The following TMEM132E variants were observed in gnomAD, a reference collection of about 807,000 sequenced individuals.
TMEM132E encodes the protein transmembrane protein 132E.
In TMEM132E, 49 loss-of-function variants were observed where a neutral mutation model predicts 78.5. The ratio of observed to expected loss-of-function variants is 0.62; its 90% CI spans 0.50 to 0.79. TMEM132E has a LOEUF of 0.79. Ranked by LOEUF, TMEM132E falls within the 30% of genes least tolerant of loss-of-function variation. The probability of loss-of-function intolerance (pLI) is 0.00; values close to 1 mark genes in which losing one functional copy is unlikely to be tolerated. For missense variants in TMEM132E, 1,403 were observed against 1,470.9 expected (o/e 0.95, Z 0.75); for synonymous variants, 715 against 670.6 (o/e 1.07, Z -1.02).
At chr17:34,592,897 C>A (rs1905923195) in intron 1 of TMEM132E, among the ~76,000 whole-genome samples, 1 of 152,154 alleles carries the variant, frequency 6.6e-6, no homozygotes, top group Non-Finnish European at 1.5e-5. Context: ...AACTGCAAGC[C>A]CTGTGATAAA....
chr17:34,607,761 T>C (rs771984286), intron 1 of TMEM132E, among the ~76,000 whole-genome samples: 1 of 152,164 alleles, frequency 6.6e-6, no homozygotes. Flanking sequence ...ATCTTTTTTT[T>C]TTTTAACTAT....
At chr17:34,584,791 G>A (rs1460259931) in intron 1 of TMEM132E, among the ~76,000 whole-genome samples, 12 of 152,210 alleles carry the variant, frequency 7.9e-5, no homozygotes, top group Admixed American at 3.3e-4. Flanking sequence ...CCTTGAGTGG[G>A]CACATACAAG....
chr17:34,603,146 G>A (rs1906293214), intron 1 of TMEM132E, among the ~76,000 whole-genome samples: 1 of 152,150 alleles, frequency 6.6e-6, no homozygotes. Flanking sequence ...AAGTGGGATG[G>A]GCAGGGGTCA....
At position 34,637,288 on chromosome 17, in the gene TMEM132E, G is replaced by T. The variant is rs1270636108; in HGVS notation, c.2281G>T (p.Ala761Ser). The T allele has an allele frequency of 1.2e-6, 2 of 1,614,156 alleles. No individual in the cohort carries two copies. The highest frequency in any genetic ancestry group is 2.2e-5 in the East Asian group (1 of 44,890). ...AGTGAGCAGCCTGGATGAGCATGTG[G>T]CCACTGTGACCCAGGACCGGGCCTT... ...LLVSSLDEHVATVTQDRAFPL... is the reference protein window; with the variant it reads ...LLVSSLDEHVSTVTQDRAFPL... Residue 761 changes from alanine (A) to serine (S), a missense_variant, in exon 9 of 9, where the codon GCC becomes TCC. Transcript: ENST00000631683.
chr17:34,613,212 C>T (rs1022170326), intron 1 of TMEM132E, among the ~76,000 whole-genome samples: 2 of 42,230 alleles, frequency 4.7e-5, no homozygotes, highest in Non-Finnish European at 6.8e-5. Flanking sequence ...CACACACACA[C>T]GCGCGCGCGC....
At position 34,629,144 on chromosome 17, in the gene TMEM132E, G is replaced by T. The variant is rs764852466; in HGVS notation, c.1278G>T (p.Arg426=). The T allele has an allele frequency of 1.2e-6, 2 of 1,613,938 alleles. No individual in the cohort carries two copies. Among genetic ancestry groups the T allele is most frequent in the African/African-American group, 2.7e-5 (2 of 74,932 alleles). ...RGHGALPDLE[R]AVTELTVIQR... is the part of the protein sequence containing the mutation. ...ACGGCGCCCTGCCTGACCTGGAGCG[G>T]GCAGTCACTGAGCTGACGGTCATTC... Residue 426 remains arginine (R), a synonymous_variant, in exon 4 of 9, where the codon CGG becomes CGT. Coordinates refer to ENST00000631683, the MANE Select transcript of TMEM132E (RefSeq NM_001304438.2).
intron 1 of TMEM132E, among the ~76,000 whole-genome samples, chr17:34,618,101 A>G (rs1906840077): frequency 6.6e-6 from 1 of 152,184 alleles, no homozygotes; most frequent in South Asian, 2.1e-4. Flanking sequence ...TGAAAACTTG[A>G]TCTACAATGG....
chr17:34,612,794 C>A (rs540282264), intron 1 of TMEM132E, among the ~76,000 whole-genome samples: 1 of 151,738 alleles, frequency 6.6e-6, no homozygotes, highest in Admixed American at 6.5e-5. Flanking sequence ...TCAGGAGGGC[C>A]GGTGGGGCCT....
intron 1 of TMEM132E, among the ~76,000 whole-genome samples, chr17:34,611,391 C>T (rs545195346): frequency 2.0e-5 from 3 of 152,258 alleles, no homozygotes; most frequent in South Asian, 2.1e-4. Context: ...GCTGTGAGAC[C>T]TTGGGTGGGC....
intron 1 of TMEM132E, among the ~76,000 whole-genome samples, chr17:34,591,493 T>A (rs1272524352): frequency 6.6e-6 from 1 of 152,212 alleles, no homozygotes; most frequent in Non-Finnish European, 1.5e-5. Context: ...TTTCTCTCCC[T>A]GGGGTCTTGC....
At chr17:34,628,471 T>TC in intron 2 of TMEM132E, 92 bp from the exon 3 acceptor site, 2 of 1,427,984 alleles carry the variant, frequency 1.4e-6, no homozygotes, top group Middle Eastern at 1.8e-4. Context: ...CTGTTCCCCC[T>TC]CCCCCCAGTA....
chr17:34,626,830 G>A lies in TMEM132E; in HGVS notation c.771G>A (p.Gly257=). 1.3e-6 allele frequency: 2 copies of A among 1,557,214 alleles called. No homozygotes were observed. The highest frequency in any genetic ancestry group is 1.7e-6 in the Non-Finnish European group (2 of 1,157,626). The part of the protein sequence containing the change: ...GSRRGAGPGV[G]ARAESPTQHP... The stretch of plus-strand genomic sequence containing the variant: ...GCCGGGGGGCCGGGCCCGGGGTGGG[G>A]GCCCGAGCGGAAAGCCCTACCCAGC... Residue 257 remains glycine (G), a synonymous_variant, in exon 2 of 9, where the codon GGG becomes GGA. Transcript: ENST00000631683.
At chr17:34,627,467 C>CATGTGTGTGTGTGTGTGTGT (rs3221613) in intron 2 of TMEM132E, among the ~76,000 whole-genome samples, 1 of 126,470 alleles carries the variant, frequency 7.9e-6, no homozygotes, top group Non-Finnish European at 1.7e-5. Context: ...CCAAAAGAAT[C>CATGTGTGTGTGTGTGTGTGT]GTGTGTGTGT....
intron 1 of TMEM132E, among the ~76,000 whole-genome samples, chr17:34,612,644 C>T (rs1426603589): frequency 1.3e-5 from 2 of 152,220 alleles, no homozygotes; most frequent in Admixed American, 6.5e-5. Context: ...AAGTGCCTGG[C>T]AGAGCAGTGA....
At position 34,626,482 on chromosome 17, in the gene TMEM132E, G is replaced by A. The variant is rs1434319290; in HGVS notation, c.423G>A (p.Val141=). The A allele has an allele frequency of 6.2e-7, 1 of 1,612,378 alleles. No individual in the cohort carries two copies. Among genetic ancestry groups the A allele is most frequent in the Non-Finnish European group, 8.5e-7 (1 of 1,179,822 alleles). The change falls in exon 2 of 9, where the codon GTG becomes GTA. Residue 141 remains valine (V), a synonymous_variant. Coordinates refer to ENST00000631683, the MANE Select transcript of TMEM132E (RefSeq NM_001304438.2). ...VRSHVPASQP[V]VQVLFYVAGR... ...CGCACGTGCCCGCCTCGCAGCCCGT[G>A]GTCCAGGTGCTGTTCTACGTAGCCG...
At chr17:34,606,145 G>C (rs1402251647) in intron 1 of TMEM132E, among the ~76,000 whole-genome samples, 1 of 152,130 alleles carries the variant, frequency 6.6e-6, no homozygotes, top group African/African-American at 2.4e-5. Context: ...AGGAGTTCGA[G>C]ACCAGCCTGA....
At chr17:34,610,230 C>T (rs1295620808) in intron 1 of TMEM132E, among the ~76,000 whole-genome samples, 1 of 152,236 alleles carries the variant, frequency 6.6e-6, no homozygotes, top group African/African-American at 2.4e-5. Context: ...CGGCAAATTC[C>T]TTAAGGGCAG....
intron 1 of TMEM132E, among the ~76,000 whole-genome samples, chr17:34,610,850 G>T (rs372197066): frequency 6.6e-6 from 1 of 152,206 alleles, no homozygotes; most frequent in Non-Finnish European, 1.5e-5. Context: ...TGAAAAAGTC[G>T]TGATTTCTTG....
intron 1 of TMEM132E, among the ~76,000 whole-genome samples, chr17:34,623,410 C>G (rs567086459): frequency 7.1e-4 from 107 of 151,448 alleles, no homozygotes; most frequent in South Asian, 2.1e-3. Flanking sequence ...CTCCCCCCCC[C>G]CCCCCCGTCC....
Sources: gnomAD v4.1 joint callset for allele counts (sites outside exome capture counted in the v4.1 genomes callset) on GRCh38, gnomAD v4.1.1 for gene constraint, MANE v1.5 for transcripts, NCBI Gene and HGNC (gene_info 2026-07-23, HGNC 2026-07-21) for gene names.